Variants in ARFGEF3 observed in about 807,000 individuals in gnomAD.
ARFGEF3 encodes the protein brefeldin A-inhibited guanine nucleotide-exchange protein 3.
In ARFGEF3, 96 loss-of-function variants were observed where a neutral mutation model predicts 221.7. That is an observed-to-expected ratio of 0.43 (90% confidence interval 0.37 to 0.51). ARFGEF3 has a LOEUF of 0.51. Ranked by LOEUF, ARFGEF3 falls within the 20% of genes least tolerant of loss-of-function variation. The pLI, the probability that ARFGEF3 is intolerant of heterozygous loss-of-function variation, is 0.00. For synonymous variants in ARFGEF3, 1,145 were observed against 1,126.8 expected, an observed-to-expected ratio of 1.02 and a Z score of -0.32; for missense variants, 2,410 against 2,789.9, an observed-to-expected ratio of 0.86 and a Z score of 3.07.
intron 2 of ARFGEF3, among the ~76,000 whole-genome samples, chr6:138,194,425 G>A (rs1177780493): frequency 2.6e-5 from 4 of 152,212 alleles, no homozygotes; most frequent in Admixed American, 2.6e-4. Context: ...ATTCCGGGCA[G>A]GGTGCTAACT....
intron 7 of ARFGEF3, among the ~76,000 whole-genome samples, chr6:138,244,077 A>G (rs1778441988): frequency 6.6e-6 from 1 of 152,244 alleles, no homozygotes; most frequent in Non-Finnish European, 1.5e-5. Context: ...TCTAAAAAAT[A>G]TAGTAGTAAA....
intron 4 of ARFGEF3, among the ~76,000 whole-genome samples, chr6:138,222,564 T>C (rs1272373970): frequency 1.3e-5 from 2 of 152,072 alleles, no homozygotes; most frequent in Non-Finnish European, 2.9e-5. Flanking sequence ...TGCCATCTAT[T>C]GGGTAGAAGC....
intron 22 of ARFGEF3, among the ~76,000 whole-genome samples, chr6:138,299,897 G>A (rs1025221859): frequency 2.6e-5 from 4 of 151,972 alleles, no homozygotes; most frequent in Non-Finnish European, 2.9e-5. Flanking sequence ...CCTTTTATGT[G>A]ATCTGTATAT....
At chr6:138,198,018 T>C (rs1283460533) in intron 2 of ARFGEF3, among the ~76,000 whole-genome samples, 2 of 152,206 alleles carry the variant, frequency 1.3e-5, no homozygotes, top group Non-Finnish European at 2.9e-5. Context: ...TTGGTGTATA[T>C]TTATGTTTGT....
chr6:138,303,888 A>AAAAAAT (rs35383841), intron 22 of ARFGEF3, among the ~76,000 whole-genome samples: 12 of 147,202 alleles, frequency 8.2e-5, no homozygotes, highest in Admixed American at 2.0e-4. Flanking sequence ...AAAAAAAAAA[A>AAAAAAT]GATAATAGCA....
At chr6:138,323,892 C>CTTGCAGAGAG in intron 30 of ARFGEF3, 119 bp downstream of exon 30, 1 of 1,534,402 alleles carries the variant, frequency 6.5e-7, no homozygotes, top group Non-Finnish European at 8.9e-7. Flanking sequence ...CACTTTAGAT[C>CTTGCAGAGAG]TTGCAGAGAG....
intron 3 of ARFGEF3, 136 bp from the exon 4 acceptor site, chr6:138,209,774 G>GT: frequency 3.6e-6 from 4 of 1,096,476 alleles, no homozygotes; most frequent in East Asian, 2.5e-5. Context: ...GGCACATAGC[G>GT]TAAGTTCTTT....
intron 2 of ARFGEF3, among the ~76,000 whole-genome samples, chr6:138,185,302 C>T (rs1358886512): frequency 2.6e-5 from 4 of 152,156 alleles, no homozygotes; most frequent in Non-Finnish European, 4.4e-5. Flanking sequence ...AAAGGGCCTC[C>T]TGGCTGTGTT....
intron 25 of ARFGEF3, 72 bp downstream of exon 25, chr6:138,311,582 G>A: frequency 9.7e-7 from 1 of 1,034,626 alleles, no homozygotes; most frequent in East Asian, 2.6e-5. Flanking sequence ...ACATGCGTGG[G>A]GGGTCTTTTG....
Position 138,215,841 on chromosome 6 carries a change from G to GGTGTGTGTGT in ARFGEF3, c.351+5838_351+5847dup, listed in dbSNP as rs61141343. The GGTGTGTGTGT allele has an allele frequency of 1.3e-4, 16 of 121,200 alleles. 1 individual carries two copies. Among genetic ancestry groups the GGTGTGTGTGT allele is most frequent in the South Asian group, 6.3e-4 (2 of 3,156 alleles). 7.5% of individuals were successfully genotyped at this position (121,200 alleles called of 1,614,324 possible). ...TTCCACTAAGTTAGCTAATCGGTCT[G>GGTGTGTGTGT]GTGTGTGTGTGTGTGTGTGTGTGTG... On this transcript the variant is annotated intron_variant, in intron 4 of 33. Coordinates refer to ENST00000251691, the MANE Select transcript of ARFGEF3 (RefSeq NM_020340.5).
At chr6:138,182,489 T>C (rs1289989817) in intron 2 of ARFGEF3, among the ~76,000 whole-genome samples, 2 of 152,224 alleles carry the variant, frequency 1.3e-5, no homozygotes, top group African/African-American at 4.8e-5. Flanking sequence ...AAGGAGCCAG[T>C]GCTTTTAAAA....
At chr6:138,241,947 G>C (rs953653462) in intron 6 of ARFGEF3, among the ~76,000 whole-genome samples, 1 of 152,270 alleles carries the variant, frequency 6.6e-6, no homozygotes, top group Middle Eastern at 3.4e-3. Flanking sequence ...AATATTTGGG[G>C]CTGAAAGGTT....
intron 21 of ARFGEF3, among the ~76,000 whole-genome samples, chr6:138,297,930 T>C (rs1779550851): frequency 6.6e-6 from 1 of 152,100 alleles, no homozygotes; most frequent in Non-Finnish European, 1.5e-5. Context: ...GACAAATAGG[T>C]CTCTCTTTTC....
intron 2 of ARFGEF3, among the ~76,000 whole-genome samples, chr6:138,190,720 G>A (rs1777288302): frequency 6.6e-6 from 1 of 152,142 alleles, no homozygotes; most frequent in Non-Finnish European, 1.5e-5. Flanking sequence ...TGTGTTTCCT[G>A]GGAAAAGTGG....
At chr6:138,314,009 T>G in intron 26 of ARFGEF3, 70 bp downstream of exon 26, 1 of 1,491,144 alleles carries the variant, frequency 6.7e-7, no homozygotes, top group South Asian at 1.2e-5. Flanking sequence ...AAGTCATAAA[T>G]GAAGTACCTT....
At chr6:138,329,414 G>A (rs932086346) in intron 32 of ARFGEF3, among the ~76,000 whole-genome samples, 3 of 151,988 alleles carry the variant, frequency 2.0e-5, no homozygotes, top group Non-Finnish European at 4.4e-5. Flanking sequence ...CCTATAATCC[G>A]AGCACTTTAG....
intron 5 of ARFGEF3, among the ~76,000 whole-genome samples, chr6:138,234,836 C>T (rs1778256036): frequency 6.6e-6 from 1 of 152,250 alleles, no homozygotes; most frequent in Middle Eastern, 3.4e-3. Context: ...CTTTATGGAA[C>T]TTACTAGTAT....
At position 138,342,840 on chromosome 6, in the gene ARFGEF3, G is replaced by C. The variant is rs1237670169; in HGVS notation, c.*6354G>C. On this transcript the variant is annotated 3_prime_UTR_variant, in exon 34 of 34. Transcript: ENST00000251691. ...ACCTTCATCTTTCATTTAATTTTCT[G>C]GCGTAAATTAACATTTTAATTTCAT... The C allele has an allele frequency of 6.6e-6, 1 of 152,064 alleles. No individual in the cohort carries two copies. The highest frequency in any genetic ancestry group is 6.6e-5 in the Admixed American group (1 of 15,262). The allele number at this position is 152,064 out of a possible 1,614,324, so 9.4% of individuals were successfully genotyped here.
chr6:138,194,989 ATTTTTTTTTT>A (rs747099029), intron 2 of ARFGEF3, among the ~76,000 whole-genome samples: 27 of 84,114 alleles, frequency 3.2e-4, no homozygotes, highest in Admixed American at 7.3e-4. Context: ...CTTTTCCCTA[ATTTTTTTTTT>A]TTTTTTTTTT....
Sources: gnomAD v4.1 joint callset for allele counts (sites outside exome capture counted in the v4.1 genomes callset) on GRCh38, gnomAD v4.1.1 for gene constraint, MANE v1.5 for transcripts, NCBI Gene and HGNC (gene_info 2026-07-23, HGNC 2026-07-21) for gene names.